Variants in ZNF48 observed in about 807,000 individuals in gnomAD.
The protein encoded by ZNF48 is zinc finger protein 553.
In ZNF48, 20 loss-of-function variants were observed where a neutral mutation model predicts 40.0. That is an observed-to-expected ratio of 0.50 (90% CI 0.35 to 0.73). The LOEUF is 0.73. Ranked by LOEUF, ZNF48 falls within the 30% of genes least tolerant of loss-of-function variation. ZNF48 has a pLI of 0.01. For missense variants in ZNF48, 726 were observed against 851.9 expected (o/e 0.85, Z 1.84); for synonymous variants, 298 against 329.7 (o/e 0.90, Z 1.04).
At chr16:30,385,225 A>AT (rs1253407474) in intron 1 of ZNF48, among the ~76,000 whole-genome samples, 7 of 141,166 alleles carry the variant, frequency 5.0e-5, no homozygotes, top group African/African-American at 2.1e-4. Context: ...TAATAATATA[A>AT]ATAAATAAAT....
rs2049852113 is a variant in ZNF48, at chr16:30,381,763, T to G, written c.-16+3353T>G. The stretch of plus-strand genomic sequence containing the variant: ...TGTCCCCTTTCCTCTTCCTCACCAG[T>G]CAGAGCAGTCCACTGAGTCCCCAAA... On this transcript the variant is annotated intron_variant, in intron 1 of 2. Coordinates refer to the ZNF48 transcript ENST00000528032. This position sits in a 1 kb window ranked among gnomAD's most constrained non-coding sequence, Gnocchi z 4.3. 4 of 1,613,942 alleles carry G rather than the reference T, an allele frequency of 2.5e-6. 1 individual carries two copies. The highest frequency in any genetic ancestry group is 3.3e-4 in the Middle Eastern group (2 of 6,060).
upstream of ZNF48, chr16:30,395,389 C>G: frequency 2.4e-6 from 1 of 409,312 alleles, no homozygotes; most frequent in South Asian, 1.7e-5. This position sits in a 1 kb window ranked among gnomAD's most constrained non-coding sequence, Gnocchi z 5.9. Flanking sequence ...CCTAGAGCGG[C>G]TCCGTGCGGC....
At chr16:30,392,287 T>G (rs2049949001), upstream of ZNF48, among the ~76,000 whole-genome samples, 1 of 152,232 alleles carries the variant, frequency 6.6e-6, no homozygotes, top group African/African-American at 2.4e-5. Context: ...CATCCCAAAG[T>G]GCTGGGATTA....
chr16:30,382,320 G>T lies in ZNF48; in HGVS notation c.-16+3910G>T. On this transcript the variant is annotated intron_variant, in intron 1 of 2. Coordinates refer to the ZNF48 transcript ENST00000528032. This position sits in a 1 kb window ranked among gnomAD's most constrained non-coding sequence, Gnocchi z 4.8. ...TCAAACCCCTTCTTGACAGACTTGC[G>T]GTGCAGCTGGTTGGGGAGGGCAGCA... The T allele has an allele frequency of 6.2e-7, 1 of 1,613,814 alleles. No homozygotes were observed. The highest frequency in any genetic ancestry group is 1.1e-5 in the South Asian group (1 of 91,044).
At position 30,382,017 on chromosome 16, in the gene ZNF48, A is replaced by T. The variant is rs1042858926; in HGVS notation, c.-16+3607A>T. 30 of 1,598,484 alleles carry T rather than the reference A, an allele frequency of 1.9e-5. No individual in the cohort carries two copies. Among genetic ancestry groups the T allele is most frequent in the Non-Finnish European group, 2.3e-5 (27 of 1,168,366 alleles). On this transcript the variant is annotated intron_variant, in intron 1 of 2. Coordinates refer to the ZNF48 transcript ENST00000528032. This position sits in a 1 kb window ranked among gnomAD's most constrained non-coding sequence, Gnocchi z 4.8. ...CAGAAAAAAAGCAGTCAACTACCTG[A>T]GTCCCCAGATGGAAAAGACTAGGGT...
In ZNF48 at chr16:30,381,115, C is replaced by T. The variant is rs373253313; in HGVS notation, c.-16+2705C>T. On this transcript the variant is annotated intron_variant, in intron 1 of 2. Coordinates refer to the ZNF48 transcript ENST00000528032. This position sits in a 1 kb window ranked among gnomAD's most constrained non-coding sequence, Gnocchi z 4.3. ...TCACATGGGGTCAAAGGTCAGAGGTCATCACTCACACCTTCTGCTTGAGGG... is the reference window on the plus strand; with the variant it reads ...TCACATGGGGTCAAAGGTCAGAGGTTATCACTCACACCTTCTGCTTGAGGG... The T allele has an allele frequency of 1.1e-5, 18 of 1,594,578 alleles. No homozygotes were observed. In the African/African-American group the frequency reaches 1.9e-4, roughly 17 times the overall value.
At chr16:30,390,508 A>G (rs567735659), upstream of ZNF48, among the ~76,000 whole-genome samples, 3 of 147,702 alleles carry the variant, frequency 2.0e-5, no homozygotes, top group South Asian at 6.5e-4. Context: ...TCCCGGGTTC[A>G]CGTGATTCTC....
chr16:30,379,145 G>A (rs753965729), intron 1 of ZNF48: 3 of 1,614,144 alleles, frequency 1.9e-6, no homozygotes, highest in Middle Eastern at 1.6e-4. Flanking sequence ...ACCAGCATCC[G>A]TCGCAGGTTC....
Position 30,397,237 on chromosome 16 carries a change from C to A in ZNF48, c.80-93C>A. On this transcript the variant is annotated intron_variant, in intron 2 of 2. Transcript: ENST00000613509. The surrounding 1 kb of genome is among the most constrained non-coding windows in gnomAD (Gnocchi z 4.1). Reference sequence around the variant, plus strand: ...AGAGAGATTGGGGTTCCTGTGACCACAGATTGTCAAGGGAGTCTTCCTGGA... The same window carrying A: ...AGAGAGATTGGGGTTCCTGTGACCAAAGATTGTCAAGGGAGTCTTCCTGGA... The A allele has an allele frequency of 8.5e-7, 1 of 1,176,878 alleles. No individual in the cohort carries two copies. Among genetic ancestry groups the A allele is most frequent in the Non-Finnish European group, 1.2e-6 (1 of 830,978 alleles). The allele number at this position is 1,176,878 out of a possible 1,614,324, so 72.9% of individuals were successfully genotyped here. A position where few individuals can be genotyped will look rare whatever the true frequency, so the allele number is the denominator to read the frequency against.
At chr16:30,395,387 G>A, upstream of ZNF48, 1 of 408,486 alleles carries the variant, frequency 2.4e-6, no homozygotes, top group Non-Finnish European at 4.9e-6. The surrounding 1 kb of genome is among the most constrained non-coding windows in gnomAD (Gnocchi z 5.9). Flanking sequence ...GTCCTAGAGC[G>A]GCTCCGTGCG....
Position 30,382,018 on chromosome 16 carries a change from G to C in ZNF48, c.-16+3608G>C. ...AGAAAAAAAGCAGTCAACTACCTGA[G>C]TCCCCAGATGGAAAAGACTAGGGTG... On this transcript the variant is annotated intron_variant, in intron 1 of 2. Transcript: ENST00000528032. The surrounding 1 kb of genome is among the most constrained non-coding windows in gnomAD (Gnocchi z 4.8). 6.3e-7 allele frequency: 1 copy of C among 1,597,356 alleles called. No individual in the cohort carries two copies. The highest frequency in any genetic ancestry group is 8.6e-7 in the Non-Finnish European group (1 of 1,167,688).
At chr16:30,379,831 T>A in intron 1 of ZNF48, 1 of 715,076 alleles carries the variant, frequency 1.4e-6, no homozygotes, top group Non-Finnish European at 2.4e-6. Flanking sequence ...GGTCTGGAAC[T>A]CCTGACCTCA....
Position 30,382,183 on chromosome 16 carries a change from TG to T in ZNF48, c.-16+3775del. ...GATTTCCCTAGGCCTGACTCCCCTGTGGACAGAACAGGCCCAACTGGTCAGG... is the reference window on the plus strand; with the variant it reads ...GATTTCCCTAGGCCTGACTCCCCTGTGACAGAACAGGCCCAACTGGTCAGG... On this transcript the variant is annotated intron_variant, in intron 1 of 2. Transcript: ENST00000528032. This position sits in a 1 kb window ranked among gnomAD's most constrained non-coding sequence, Gnocchi z 4.8. 2 of 1,611,778 alleles carry T rather than the reference TG, an allele frequency of 1.2e-6. No individual in the cohort carries two copies. The highest frequency in any genetic ancestry group is 1.7e-6 in the Non-Finnish European group (2 of 1,178,930).
Position 30,398,277 on chromosome 16 carries a change from A to G in ZNF48, c.1027A>G (p.Ser343Gly), listed in dbSNP as rs770507556. The part of the protein sequence containing the change: ...CPECGKGFAD[S>G]SARVKHLRTH... ...AGAGTGCGGCAAAGGTTTCGCGGAC[A>G]GCTCCGCCCGAGTCAAACACCTCCG... Residue 343 changes from serine to glycine, a missense_variant, in exon 3 of 3, where the codon AGC (serine) becomes GGC (glycine). Transcript: ENST00000613509. This position sits in a 1 kb window ranked among gnomAD's most constrained non-coding sequence, Gnocchi z 6.6. The G allele has an allele frequency of 6.2e-7, 1 of 1,613,506 alleles. No individual in the cohort carries two copies. The highest frequency in any genetic ancestry group is 1.1e-5 in the South Asian group (1 of 91,090).
intron 2 of ZNF48, among the ~76,000 whole-genome samples, chr16:30,396,377 G>T (rs1450284765): frequency 2.0e-5 from 3 of 152,000 alleles, no homozygotes; most frequent in African/African-American, 7.3e-5. Context: ...CGTAATGCCG[G>T]TTCCTATTTC....
chr16:30,382,639 A>G lies in ZNF48; in HGVS notation c.-16+4229A>G. ...GCAGAAGAGGCAGCTGAGATGCTCA[A>G]ACTGGCCCAGTCCCAGAGAGGTGGG... On this transcript the variant is annotated intron_variant, in intron 1 of 2. Transcript: ENST00000528032. This position sits in a 1 kb window ranked among gnomAD's most constrained non-coding sequence, Gnocchi z 4.8. The G allele has an allele frequency of 6.5e-7, 1 of 1,542,350 alleles. No homozygotes were observed. The highest frequency in any genetic ancestry group is 8.7e-7 in the Non-Finnish European group (1 of 1,145,560).
intron 1 of ZNF48, among the ~76,000 whole-genome samples, chr16:30,386,018 G>C (rs1019977685): frequency 1.3e-5 from 2 of 152,054 alleles, no homozygotes; most frequent in African/African-American, 4.8e-5. Flanking sequence ...GCTCATGTCT[G>C]TAATCTCAGC....
chr16:30,399,212 G>A lies in ZNF48; in HGVS notation c.*105G>A. 1 of 1,069,210 alleles carries A rather than the reference G, an allele frequency of 9.4e-7. No homozygotes were observed. Among genetic ancestry groups the A allele is most frequent in the East Asian group, 2.5e-5 (1 of 39,626 alleles). 66.2% of individuals were successfully genotyped at this position (1,069,210 alleles called of 1,614,324 possible). On this transcript the variant is annotated 3_prime_UTR_variant, in exon 3 of 3. Transcript: ENST00000613509. ...GTGGTGGGAGGGAGAAGGAAGGGAA[G>A]AAAGGGGAGGAAGAATAGATAGAAA...
rs1285067091 is a variant in ZNF48 at position 30,380,084 on chromosome 16, C to T, written c.-16+1674C>T. ...GTGTGAAACGGGCCACAATGACAGA[C>T]ATTTCATGACCAGAGACAGTGAGAC... On this transcript the variant is annotated intron_variant, in intron 1 of 2. Transcript: ENST00000528032. 2.0e-6 allele frequency: 3 copies of T among 1,469,948 alleles called. No homozygotes were observed. The African/African-American group carries it at 4.2e-5, about 21-fold the overall frequency. The allele number at this position is 1,469,948 out of a possible 1,614,324, so 91.1% of individuals were successfully genotyped here. A position where few individuals can be genotyped will look rare whatever the true frequency, so the allele number is the denominator to read the frequency against.
Sources: allele counts gnomAD v4.1 joint callset (sites outside exome capture counted in the v4.1 genomes callset), GRCh38; gene constraint gnomAD v4.1.1; non-coding constraint Gnocchi (gnomAD v3.1); transcripts MANE v1.5; gene names NCBI Gene and HGNC (gene_info 2026-07-23, HGNC 2026-07-21).